The following ZBTB20 variants were observed in gnomAD, a reference collection of about 807,000 sequenced individuals.
The protein encoded by ZBTB20 is zinc finger and BTB domain containing 20, also known as zinc finger and BTB domain-containing protein 20.
A neutral mutation model predicts 56.9 loss-of-function variants in ZBTB20; 9 were observed. The ratio of observed to expected loss-of-function variants is 0.16; its 90% CI spans 0.10 to 0.28. The LOEUF (loss-of-function observed/expected upper bound fraction) is 0.28. ZBTB20 is among the 10% of genes least tolerant of loss of function. The pLI is 1.00. For missense variants in ZBTB20, 655 were observed against 1,003.0 expected, an observed-to-expected ratio of 0.65 and a Z score of 4.69; for synonymous variants, 417 against 420.7, an observed-to-expected ratio of 0.99 and a Z score of 0.11.
chr3:114,584,083 T>C (rs796417611), intron 6 of ZBTB20, among the ~76,000 whole-genome samples: 3 of 152,340 alleles, frequency 2.0e-5, no homozygotes, highest in African/African-American at 7.2e-5. Flanking sequence ...ATGAGATTAA[T>C]TTATCATGAG....
intron 6 of ZBTB20, among the ~76,000 whole-genome samples, chr3:114,629,218 C>A (rs2107816855): frequency 6.6e-6 from 1 of 152,166 alleles, no homozygotes; most frequent in South Asian, 2.1e-4. Flanking sequence ...TCTTTCTTTT[C>A]CCATTTGTAA....
intron 5 of ZBTB20, among the ~76,000 whole-genome samples, chr3:114,722,815 C>T (rs1186285125): frequency 6.6e-6 from 1 of 152,206 alleles, no homozygotes; most frequent in African/African-American, 2.4e-5. Context: ...GTCTGGGCAT[C>T]ATTTTATTTC....
chr3:114,832,777 G>A (rs978287893), intron 4 of ZBTB20, among the ~76,000 whole-genome samples: 3 of 152,058 alleles, frequency 2.0e-5, no homozygotes, highest in Non-Finnish European at 4.4e-5. Context: ...CCGCTTAGAC[G>A]TGAACATTCC....
intron 4 of ZBTB20, among the ~76,000 whole-genome samples, chr3:114,807,781 T>C (rs912026117): frequency 1.3e-5 from 2 of 152,142 alleles, no homozygotes; most frequent in Admixed American, 6.6e-5. Flanking sequence ...TCTATTAATA[T>C]GCTATATTGC....
At chr3:114,877,345 T>C (rs2076236524) in intron 4 of ZBTB20, among the ~76,000 whole-genome samples, 1 of 152,318 alleles carries the variant, frequency 6.6e-6, no homozygotes, top group East Asian at 1.9e-4. Context: ...TCTAGGTCTC[T>C]ATTAAGAAGT....
chr3:114,592,256 G>A (rs2055843161), intron 6 of ZBTB20, among the ~76,000 whole-genome samples: 1 of 152,150 alleles, frequency 6.6e-6, no homozygotes, highest in African/African-American at 2.4e-5. Context: ...AGGCTCTGCT[G>A]GTTACGTGGA....
chr3:114,981,001 C>T (rs1172938293), intron 2 of ZBTB20, among the ~76,000 whole-genome samples: 1 of 151,782 alleles, frequency 6.6e-6, no homozygotes, highest in Non-Finnish European at 1.5e-5. Flanking sequence ...TTTTATCTTT[C>T]ACTTAAAATG....
intron 1 of ZBTB20, chr3:115,102,760 A>C (rs1319967794): frequency 6.6e-6 from 1 of 152,178 alleles, no homozygotes; most frequent in African/African-American, 2.4e-5. Flanking sequence ...CAAGGTCAGG[A>C]GTTCGAGACC....
At chr3:114,418,430 G>A (rs2088804039) in intron 7 of ZBTB20, among the ~76,000 whole-genome samples, 1 of 151,880 alleles carries the variant, frequency 6.6e-6, no homozygotes, top group African/African-American at 2.4e-5. Context: ...GTCAGTTGTG[G>A]CCATACATTC....
At chr3:114,341,641 T>C (rs1362427751) in intron 11 of ZBTB20, among the ~76,000 whole-genome samples, 1 of 152,254 alleles carries the variant, frequency 6.6e-6, no homozygotes, top group Non-Finnish European at 1.5e-5. Flanking sequence ...TCCTCATAGT[T>C]GTCATGTTTC....
intron 6 of ZBTB20, among the ~76,000 whole-genome samples, chr3:114,585,377 T>TC (rs2055073953): frequency 1.3e-5 from 2 of 152,292 alleles, no homozygotes; most frequent in African/African-American, 4.8e-5. Flanking sequence ...TGACAGGAAC[T>TC]CCAACAATTG....
chr3:114,688,866 G>A (rs545595596), intron 6 of ZBTB20, among the ~76,000 whole-genome samples: 9 of 152,184 alleles, frequency 5.9e-5, no homozygotes, highest in East Asian at 3.9e-4. Context: ...TCAACAGTAC[G>A]GTTAGGAATG....
intron 7 of ZBTB20, among the ~76,000 whole-genome samples, chr3:114,458,951 G>A (rs2092186188): frequency 6.6e-6 from 1 of 151,994 alleles, no homozygotes; most frequent in South Asian, 2.1e-4. Flanking sequence ...TACACAAATA[G>A]GTAAATGCAC....
chr3:114,886,234 T>C (rs746155889), intron 4 of ZBTB20, among the ~76,000 whole-genome samples: 11 of 152,364 alleles, frequency 7.2e-5, no homozygotes, highest in Non-Finnish European at 1.2e-4. Context: ...TTACTAGCTA[T>C]TTAAAGTTAG....
In ZBTB20 at chr3:115,133,892, C is replaced by T. The variant is rs190817721; in HGVS notation, c.-703+13327G>A. Among the ~76,000 whole-genome samples, 135 of 152,206 alleles carry T rather than the reference C, an allele frequency of 8.9e-4. 1 individual carries two copies. The highest frequency in any genetic ancestry group is 6.8e-3 in the Middle Eastern group (2 of 294). On this transcript the variant is annotated intron_variant, in intron 1 of 11. Transcript: ENST00000675478. ...GCTATCACTTCTCTTGAGTATATAC[C>T]TCAGAGTGGAATTGACAGGCTCATT...
intron 5 of ZBTB20, among the ~76,000 whole-genome samples, chr3:114,707,666 A>AT (rs113263549): frequency 2.4e-3 from 369 of 151,864 alleles, no homozygotes; most frequent in Non-Finnish European, 3.4e-3. Flanking sequence ...GAACTAGTAG[A>AT]TTTTTTTTTC....
chr3:114,540,078 G>A (rs752608464), intron 6 of ZBTB20, among the ~76,000 whole-genome samples: 2 of 151,692 alleles, frequency 1.3e-5, no homozygotes, highest in South Asian at 2.1e-4. Context: ...TCCATGCTCC[G>A]AAAGGCCCCA....
intron 5 of ZBTB20, among the ~76,000 whole-genome samples, chr3:114,770,045 C>A (rs976344129): frequency 9.4e-5 from 14 of 149,628 alleles, no homozygotes; most frequent in African/African-American, 3.2e-4. Context: ...GGCAACAGAG[C>A]AAGACTCCAT....
chr3:114,921,661 C>T (rs2075963993), intron 3 of ZBTB20, among the ~76,000 whole-genome samples: 1 of 138,468 alleles, frequency 7.2e-6, no homozygotes, highest in South Asian at 2.2e-4. Flanking sequence ...GGGAATTGAA[C>T]AATGAGAACA....
Sources: allele counts gnomAD v4.1 joint callset (sites outside exome capture counted in the v4.1 genomes callset), GRCh38; gene constraint gnomAD v4.1.1; transcripts MANE v1.5; gene names NCBI Gene and HGNC (gene_info 2026-07-23, HGNC 2026-07-21).